SUSD6: variants seen among roughly 807,000 people sequenced by gnomAD.
SUSD6 encodes sushi domain-containing protein 6.
In SUSD6, 16 loss-of-function variants were observed where a neutral mutation model predicts 28.4. That is an observed-to-expected ratio of 0.56 (90% confidence interval 0.38 to 0.86). SUSD6 has a LOEUF of 0.86. Ranked by LOEUF, SUSD6 falls within the 40% of genes least tolerant of loss-of-function variation. SUSD6 has a pLI of 0.00. For synonymous variants in SUSD6, 147 were observed against 159.6 expected (o/e 0.92, Z 0.59); for missense variants, 341 against 384.2 (o/e 0.89, Z 0.94).
At chr14:69,644,357 A>G (rs1187237340) in intron 1 of SUSD6, among the ~76,000 whole-genome samples, 1 of 152,162 alleles carries the variant, frequency 6.6e-6, no homozygotes, top group African/African-American at 2.4e-5. Context: ...GCCTGAATTA[A>G]TTAATTAATT....
At chr14:69,657,811 C>T (rs1885605746) in intron 1 of SUSD6, among the ~76,000 whole-genome samples, 1 of 152,168 alleles carries the variant, frequency 6.6e-6, no homozygotes, top group South Asian at 2.1e-4. Context: ...CTCTGTCTCT[C>T]TACTGGTTCC....
chr14:69,688,010 C>T (rs1296946091), intron 2 of SUSD6, among the ~76,000 whole-genome samples: 1 of 152,110 alleles, frequency 6.6e-6, no homozygotes, highest in Non-Finnish European at 1.5e-5. Flanking sequence ...TGTACACACA[C>T]ATTGTTTTAT....
At chr14:69,691,634 C>T (rs1886154279) in intron 2 of SUSD6, among the ~76,000 whole-genome samples, 1 of 152,158 alleles carries the variant, frequency 6.6e-6, no homozygotes, top group Non-Finnish European at 1.5e-5. Flanking sequence ...CAGTGATAAC[C>T]CAGTGGCCCT....
chr14:69,643,657 C>T (rs985918812), intron 1 of SUSD6, among the ~76,000 whole-genome samples: 2 of 152,202 alleles, frequency 1.3e-5, no homozygotes, highest in South Asian at 2.1e-4. Flanking sequence ...CCCAGACAGC[C>T]GTGTGTGGGG....
chr14:69,644,164 T>C (rs1269017676), intron 1 of SUSD6, among the ~76,000 whole-genome samples: 1 of 152,212 alleles, frequency 6.6e-6, no homozygotes, highest in Non-Finnish European at 1.5e-5. Flanking sequence ...AGGAATCTCG[T>C]ACATGTAGGT....
At chr14:69,614,600 C>T (rs1288218960) in intron 1 of SUSD6, among the ~76,000 whole-genome samples, 1 of 152,188 alleles carries the variant, frequency 6.6e-6, no homozygotes, top group Non-Finnish European at 1.5e-5. Context: ...AAAAACTTGG[C>T]TTTTGCTTCA....
At chr14:69,671,110 C>A (rs975292451) in intron 2 of SUSD6, among the ~76,000 whole-genome samples, 1 of 152,150 alleles carries the variant, frequency 6.6e-6, no homozygotes, top group Non-Finnish European at 1.5e-5. Context: ...GAGGCAGGTG[C>A]CTGTCCTGGC....
At chr14:69,640,134 G>T (rs2139602369) in intron 1 of SUSD6, among the ~76,000 whole-genome samples, 1 of 151,734 alleles carries the variant, frequency 6.6e-6, no homozygotes, top group African/African-American at 2.4e-5. Context: ...CCACCTTAAT[G>T]CCTCCTCCAG....
chr14:69,613,992 AG>A (rs951069072), intron 1 of SUSD6, among the ~76,000 whole-genome samples: 2 of 152,264 alleles, frequency 1.3e-5, no homozygotes, highest in African/African-American at 4.8e-5. Context: ...ACAGGCTGGC[AG>A]ATAAAGAGAC....
intron 1 of SUSD6, among the ~76,000 whole-genome samples, chr14:69,612,076 C>T (rs1011069065): frequency 4.6e-5 from 7 of 150,820 alleles, no homozygotes; most frequent in African/African-American, 1.2e-4. Context: ...GCTGCGCGGC[C>T]GGGGGGACCG....
chr14:69,626,982 G>T (rs971977036), intron 1 of SUSD6, among the ~76,000 whole-genome samples: 17 of 152,022 alleles, frequency 1.1e-4, no homozygotes, highest in Admixed American at 9.2e-4. Context: ...ACTGCAACTG[G>T]CCTGTCCCAC....
chr14:69,694,903 G>A (rs1388394149), intron 2 of SUSD6, among the ~76,000 whole-genome samples: 1 of 152,080 alleles, frequency 6.6e-6, no homozygotes, highest in African/African-American at 2.4e-5. Context: ...CTCTTAGGAA[G>A]GCAGTGGTGG....
chr14:69,708,900 G>T lies in SUSD6; in HGVS notation c.682G>T (p.Gly228Ter). 1 of 1,614,176 alleles carries T rather than the reference G, an allele frequency of 6.2e-7. No homozygotes were observed. Among genetic ancestry groups the T allele is most frequent in the Non-Finnish European group, 8.5e-7 (1 of 1,180,010 alleles). ...CCAAGGGGCCTGCTCCTCTGCAGGT[G>T]GAGAAGATGAGGCCCCAGGCCAGTC... ...PDQGACSSAG[G>*]EDEAPGQSGL... Residue 228 changes from glycine to a stop codon, truncating the protein, a stop_gained, in exon 5 of 6, where the codon GGA becomes TGA. Transcript: ENST00000342745. LOFTEE classifies it high-confidence loss of function.
chr14:69,709,911 A>G (rs987720822), intron 5 of SUSD6, among the ~76,000 whole-genome samples: 6 of 152,222 alleles, frequency 3.9e-5, no homozygotes, highest in African/African-American at 1.4e-4. Flanking sequence ...TACACTCAGA[A>G]AGCCTCCCTA....
intron 2 of SUSD6, among the ~76,000 whole-genome samples, chr14:69,672,974 G>T (rs1461739244): frequency 6.6e-6 from 1 of 152,230 alleles, no homozygotes; most frequent in Non-Finnish European, 1.5e-5. Context: ...CCTGCCTCTG[G>T]TCAAGGCTTA....
At chr14:69,709,825 G>A (rs1328067120) in intron 5 of SUSD6, among the ~76,000 whole-genome samples, 1 of 152,214 alleles carries the variant, frequency 6.6e-6, no homozygotes, top group Non-Finnish European at 1.5e-5. Flanking sequence ...CACTTTGAAA[G>A]CTGTCTTTAA....
At chr14:69,681,550 CG>C (rs1348840714) in intron 2 of SUSD6, among the ~76,000 whole-genome samples, 5 of 152,136 alleles carry the variant, frequency 3.3e-5, no homozygotes, top group African/African-American at 1.2e-4. Flanking sequence ...GAGAAGGGGA[CG>C]GCCCCGTAGG....
intron 2 of SUSD6, among the ~76,000 whole-genome samples, chr14:69,700,263 G>A (rs539197254): frequency 7.4e-4 from 113 of 152,184 alleles, no homozygotes; most frequent in African/African-American, 2.6e-3. Context: ...CTCTTTTGCC[G>A]TCACTATCTG....
intron 4 of SUSD6, among the ~76,000 whole-genome samples, chr14:69,707,703 C>T (rs550597395): frequency 1.8e-4 from 27 of 152,142 alleles, no homozygotes; most frequent in Admixed American, 3.9e-4. Flanking sequence ...GTTGTGATCA[C>T]GCCACTGCAC....
Sources: allele counts gnomAD v4.1 joint callset (sites outside exome capture counted in the v4.1 genomes callset), GRCh38; gene constraint gnomAD v4.1.1; transcripts MANE v1.5; gene names NCBI Gene and HGNC (gene_info 2026-07-23, HGNC 2026-07-21).